The following DYNLT2B variants were observed in gnomAD, a reference collection of about 807,000 sequenced individuals.
DYNLT2B encodes the protein dynein light chain Tctex-type 2B.
Under a neutral mutation model 19.5 loss-of-function variants are expected in DYNLT2B, and 14 were observed. The ratio of observed to expected loss-of-function variants is 0.72; its 90% confidence interval spans 0.47 to 1.12. DYNLT2B has a LOEUF of 1.12. Ranked by LOEUF, DYNLT2B falls within the 50% of genes most tolerant of loss-of-function variation. The probability of loss-of-function intolerance (pLI) is 0.00; values close to 1 mark genes in which losing one functional copy is unlikely to be tolerated. For synonymous variants in DYNLT2B, 70 were observed against 59.7 expected (o/e 1.17, Z -0.79); for missense variants, 133 against 174.7 (o/e 0.76, Z 1.35).
intron 3 of DYNLT2B, among the ~76,000 whole-genome samples, chr3:196,306,338 G>A (rs1726485298): frequency 6.6e-6 from 1 of 151,028 alleles, no homozygotes; most frequent in Non-Finnish European, 1.5e-5. Context: ...TGAGGCAGGA[G>A]GATCACTTGA....
At chr3:196,294,546 CTA>C (rs764661942) in intron 4 of DYNLT2B, among the ~76,000 whole-genome samples, 14 of 152,070 alleles carry the variant, frequency 9.2e-5, no homozygotes, top group Non-Finnish European at 1.8e-4. Context: ...GACCCAGCGT[CTA>C]TATTTTAAAC....
intron 3 of DYNLT2B, among the ~76,000 whole-genome samples, chr3:196,303,193 T>C (rs920999686): frequency 2.6e-5 from 4 of 151,784 alleles, no homozygotes; most frequent in African/African-American, 9.7e-5. Flanking sequence ...ATTCCATCCC[T>C]GATCAATCAG....
chr3:196,316,196 G>C lies in DYNLT2B; in HGVS notation c.149C>G (p.Ala50Gly). 1 of 1,613,578 alleles carries C rather than the reference G, an allele frequency of 6.2e-7. No homozygotes were observed. The highest frequency in any genetic ancestry group is 8.5e-7 in the Non-Finnish European group (1 of 1,179,760). The change falls in exon 2 of 5, where the codon GCT becomes GGT. Residue 50 changes from alanine to glycine, a missense_variant. Coordinates refer to ENST00000325318, the MANE Select transcript of DYNLT2B (RefSeq NM_152773.5). Reference sequence around the variant, plus strand: ...ATTTGCCAGTTCCTCCTTGAGCACAGCATGGATACAGTCTTTAACCACAGA... The same window carrying C: ...ATTTGCCAGTTCCTCCTTGAGCACACCATGGATACAGTCTTTAACCACAGA... ...RPSVVKDCIH[A>G]VLKEELANAE...
intron 2 of DYNLT2B, among the ~76,000 whole-genome samples, chr3:196,311,496 G>A (rs1446929756): frequency 6.6e-6 from 1 of 151,838 alleles, no homozygotes; most frequent in Non-Finnish European, 1.5e-5. Flanking sequence ...TTGGTGTCCT[G>A]AAGAAAAGGA....
chr3:196,304,285 C>T (rs1288830738), intron 3 of DYNLT2B, among the ~76,000 whole-genome samples: 2 of 152,046 alleles, frequency 1.3e-5, no homozygotes, highest in Non-Finnish European at 2.9e-5. Flanking sequence ...GTGTGCACCA[C>T]CATGCCCGGC....
Position 196,291,351 on chromosome 3 carries a change from T to C in DYNLT2B, c.405A>G (p.Ala135=), listed in dbSNP as rs1343867359. ...TTCAGTAGTAGAAACAGCCAAATGC[T>C]GCTACAACGCAGAATAAACTGTCCT... The part of the protein sequence containing the change: ...FMNDSLFCVV[A]AFGCFYY Residue 135 remains alanine (A), a synonymous_variant, in exon 5 of 5, where the codon GCA becomes GCG. Coordinates refer to ENST00000325318, the MANE Select transcript of DYNLT2B (RefSeq NM_152773.5). The C allele has an allele frequency of 6.2e-7, 1 of 1,611,312 alleles. No homozygotes were observed. Among genetic ancestry groups the C allele is most frequent in the Non-Finnish European group, 8.5e-7 (1 of 1,178,892 alleles).
At chr3:196,312,230 G>A (rs1726662194) in intron 2 of DYNLT2B, among the ~76,000 whole-genome samples, 1 of 150,008 alleles carries the variant, frequency 6.7e-6, no homozygotes, top group South Asian at 2.1e-4. Flanking sequence ...ATTGTTCAGG[G>A]TGGTCTCAAA....
chr3:196,318,034 AC>A lies in DYNLT2B; in HGVS notation c.113+5del. ...GTCGCCCCGCCACAGCCCGTCCTCT[AC>A]CCGCCTCTGCTGGAAAACAGGCCGC... is the stretch of plus-strand genomic sequence containing the variant. On this transcript the variant is annotated splice_donor_5th_base_variant and intron_variant, in intron 1 of 4. Coordinates refer to ENST00000325318, the MANE Select transcript of DYNLT2B (RefSeq NM_152773.5). 1 of 1,492,960 alleles carries A rather than the reference AC, an allele frequency of 6.7e-7. No homozygotes were observed. The highest frequency in any genetic ancestry group is 8.9e-7 in the Non-Finnish European group (1 of 1,120,754). 92.5% of individuals were successfully genotyped at this position (1,492,960 alleles called of 1,614,324 possible).
intron 3 of DYNLT2B, among the ~76,000 whole-genome samples, chr3:196,303,340 T>C (rs995081610): frequency 9.9e-5 from 15 of 152,152 alleles, no homozygotes; most frequent in Non-Finnish European, 1.9e-4. Flanking sequence ...AATTACTTTT[T>C]CTCTATGGCA....
chr3:196,308,350 G>A (rs988243660), intron 2 of DYNLT2B, among the ~76,000 whole-genome samples: 4 of 152,114 alleles, frequency 2.6e-5, no homozygotes, highest in African/African-American at 9.7e-5. Flanking sequence ...GTGCACAGCA[G>A]GAGAGCATGG....
chr3:196,299,136 G>A (rs1726289381), intron 3 of DYNLT2B, among the ~76,000 whole-genome samples: 1 of 150,444 alleles, frequency 6.6e-6, no homozygotes, highest in South Asian at 2.1e-4. Context: ...CCAGGCTGGA[G>A]TGCAGTGGCA....
At position 196,291,340 on chromosome 3, in the gene DYNLT2B, C is replaced by G; in HGVS notation, c.416G>C (p.Cys139Ser). Residue 139 changes from cysteine (C) to serine (S), a missense_variant, in exon 5 of 5, where the codon TGT (cysteine) becomes TCT (serine). By Grantham distance (112) the Cys-to-Ser change is moderately radical. Coordinates refer to ENST00000325318, the MANE Select transcript of DYNLT2B (RefSeq NM_152773.5). ...TCAAAGATTCATTCAGTAGTAGAAA[C>G]AGCCAAATGCTGCTACAACGCAGAA... ...SLFCVVAAFG[C>S]FYY 6.2e-7 allele frequency: 1 copy of G among 1,611,530 alleles called. No individual in the cohort carries two copies. The highest frequency in any genetic ancestry group is 8.5e-7 in the Non-Finnish European group (1 of 1,178,996).
chr3:196,300,868 G>A (rs1188232134), intron 3 of DYNLT2B, among the ~76,000 whole-genome samples: 1 of 151,934 alleles, frequency 6.6e-6, no homozygotes, highest in African/African-American at 2.4e-5. Flanking sequence ...GACCAGCCTG[G>A]GCAACATGGT....
At chr3:196,294,769 T>C (rs1726181454) in intron 4 of DYNLT2B, among the ~76,000 whole-genome samples, 1 of 152,222 alleles carries the variant, frequency 6.6e-6, no homozygotes, top group South Asian at 2.1e-4. Flanking sequence ...AGAGTCTTGC[T>C]CTGCTGCCCA....
intron 2 of DYNLT2B, among the ~76,000 whole-genome samples, chr3:196,311,270 C>G (rs1726634972): frequency 6.6e-6 from 1 of 151,752 alleles, no homozygotes; most frequent in Non-Finnish European, 1.5e-5. Flanking sequence ...CAAAAATTAG[C>G]CGGGTGTGGT....
chr3:196,292,830 CTAA>C (rs964888279), intron 4 of DYNLT2B, among the ~76,000 whole-genome samples: 1 of 152,136 alleles, frequency 6.6e-6, no homozygotes, highest in African/African-American at 2.4e-5. Flanking sequence ...TCTGCCTCTA[CTAA>C]TGTTTCCTGG....
intron 4 of DYNLT2B, among the ~76,000 whole-genome samples, chr3:196,294,375 C>T (rs1302997225): frequency 6.6e-6 from 1 of 152,062 alleles, no homozygotes; most frequent in Non-Finnish European, 1.5e-5. Flanking sequence ...AAAATAAAAC[C>T]TTGGTGAGAC....
At chr3:196,299,125 C>G (rs368594536) in intron 3 of DYNLT2B, among the ~76,000 whole-genome samples, 1 of 149,646 alleles carries the variant, frequency 6.7e-6, no homozygotes, top group Non-Finnish European at 1.5e-5. Context: ...CACTCTGTTG[C>G]CCAGGCTGGA....
chr3:196,312,660 T>A (rs1296721375), intron 2 of DYNLT2B, among the ~76,000 whole-genome samples: 1 of 152,086 alleles, frequency 6.6e-6, no homozygotes, highest in Non-Finnish European at 1.5e-5. Flanking sequence ...GGTTTCACCA[T>A]GTTGGCAAGG....
Sources: gnomAD v4.1 joint callset for allele counts (sites outside exome capture counted in the v4.1 genomes callset) on GRCh38, gnomAD v4.1.1 for gene constraint, MANE v1.5 for transcripts, NCBI Gene and HGNC (gene_info 2026-07-23, HGNC 2026-07-21) for gene names.